Variants in GTF2B observed in about 807,000 individuals in gnomAD.
GTF2B encodes the protein general transcription factor IIB, also known as transcription initiation factor IIB.
In GTF2B, 20 loss-of-function variants were observed where a neutral mutation model predicts 34.6. The ratio of observed to expected loss-of-function variants is 0.58; its 90% CI spans 0.41 to 0.84. GTF2B has a LOEUF of 0.84. Among genes scored for constraint, GTF2B ranks in the 40% least tolerant of loss-of-function variants. GTF2B has a pLI of 0.00. For synonymous variants in GTF2B, 142 were observed against 132.4 expected (o/e 1.07, Z -0.50); for missense variants, 237 against 393.3 (o/e 0.60, Z 3.36).
chr1:88,859,830 T>C (rs1673395814), intron 5 of GTF2B, 52 bp downstream of exon 5: 1 of 1,539,508 alleles, frequency 6.5e-7, no homozygotes, highest in East Asian at 2.3e-5. Context: ...AGTGAGACCC[T>C]ATCTCAAACA....
chr1:88,874,819 C>T (rs1673782862), intron 2 of GTF2B, among the ~76,000 whole-genome samples: 1 of 151,898 alleles, frequency 6.6e-6, no homozygotes, highest in Non-Finnish European at 1.5e-5. Flanking sequence ...ATTTAGTTTA[C>T]AAACTACGTA....
chr1:88,865,996 A>G (rs1438045530), intron 2 of GTF2B, among the ~76,000 whole-genome samples: 1 of 152,172 alleles, frequency 6.6e-6, no homozygotes, highest in Admixed American at 6.5e-5. Context: ...TAACTTTTTA[A>G]TTTTTTATAT....
At chr1:88,866,272 T>C (rs1673558190) in intron 2 of GTF2B, among the ~76,000 whole-genome samples, 1 of 152,146 alleles carries the variant, frequency 6.6e-6, no homozygotes, top group Admixed American at 6.5e-5. Context: ...GAGGATCACC[T>C]GAGCCCAGGA....
chr1:88,872,396 A>G (rs1344713165), intron 2 of GTF2B, among the ~76,000 whole-genome samples: 1 of 144,856 alleles, frequency 6.9e-6, no homozygotes, highest in Non-Finnish European at 1.5e-5. Context: ...AGATTGCAGT[A>G]AGCCGAGATC....
At chr1:88,868,062 C>T (rs549656876) in intron 2 of GTF2B, among the ~76,000 whole-genome samples, 2 of 152,300 alleles carry the variant, frequency 1.3e-5, no homozygotes, top group African/African-American at 4.8e-5. Context: ...TAACAAGAAA[C>T]AGGGCAAGTC....
chr1:88,853,412 G>A, intron 6 of GTF2B, 66 bp from the exon 7 acceptor site: 1 of 1,420,168 alleles, frequency 7.0e-7, no homozygotes. Flanking sequence ...TACCTGCATT[G>A]TAATTTGTGA....
chr1:88,859,974 T>A lies in GTF2B; in HGVS notation c.443A>T (p.Gln148Leu). ...TNNLFKQVYE[Q>L]KSLKGRANDA... The stretch of plus-strand genomic sequence containing the variant: ...ATTAGCTCTTCCCTTCAGGCTCTTC[T>A]GTTCATATACTTGCTTGAATAAATT... The change falls in exon 5 of 7, where the codon CAG (glutamine) becomes CTG (leucine). Residue 148 changes from glutamine to leucine, a missense_variant. Gln to Leu is a moderately radical substitution (Grantham distance 113). Coordinates refer to ENST00000370500, the MANE Select transcript of GTF2B (RefSeq NM_001514.6). 6.2e-7 allele frequency: 1 copy of A among 1,613,752 alleles called. No individual in the cohort carries two copies. Among genetic ancestry groups the A allele is most frequent in the Non-Finnish European group, 8.5e-7 (1 of 1,179,628 alleles).
chr1:88,887,472 T>A lies in GTF2B; in HGVS notation c.18-105A>T, dbSNP rs563568444. On this transcript the variant is annotated intron_variant, in intron 1 of 6. Transcript: ENST00000370500. ...GACAAAGATTGTGAACGTTTTTTCA[T>A]ACATACAACTGTAACACATATAAGC... 43 of 738,594 alleles carry A rather than the reference T, an allele frequency of 5.8e-5. No homozygotes were observed. The African/African-American group carries it at 7.2e-4, about 12-fold the overall frequency. The allele number at this position is 738,594 out of a possible 1,614,324, so 45.8% of individuals were successfully genotyped here. A position where few individuals can be genotyped will look rare whatever the true frequency, so the allele number is the denominator to read the frequency against.
At chr1:88,880,144 T>A (rs1010639337) in intron 2 of GTF2B, among the ~76,000 whole-genome samples, 10 of 152,160 alleles carry the variant, frequency 6.6e-5, no homozygotes, top group Admixed American at 6.6e-4. Flanking sequence ...TGAATTAATA[T>A]GGTTTAATCT....
At chr1:88,865,113 A>G (rs1673519346) in intron 2 of GTF2B, among the ~76,000 whole-genome samples, 1 of 152,220 alleles carries the variant, frequency 6.6e-6, no homozygotes, top group South Asian at 2.1e-4. Context: ...TGTAGCAATT[A>G]GAAGTTACGG....
rs1673498223 is a variant in GTF2B, at chr1:88,864,103, T to C, written c.136A>G (p.Ile46Val). The C allele has an allele frequency of 6.2e-7, 1 of 1,613,866 alleles. No individual in the cohort carries two copies. Among genetic ancestry groups the C allele is most frequent in the African/African-American group, 1.3e-5 (1 of 74,928 alleles). ...GTTCGCCATTCAGATCCCACATCAA[T>C]AACCCGGTCACCTAAGAATATAAGC... ...ECGLVVGDRV[I>V]DVGSEWRTFS... Residue 46 changes from isoleucine (I) to valine (V), a missense_variant, in exon 3 of 7, where the codon ATT becomes GTT. By Grantham distance (29) the Ile-to-Val change is conservative. Around this residue, in one of 3 missense-constraint regions of GTF2B, gnomAD observed 130 missense variants for 170.9 expected, o/e 0.76. Transcript: ENST00000370500.
At chr1:88,880,475 G>A (rs1477428118) in intron 2 of GTF2B, among the ~76,000 whole-genome samples, 3 of 152,116 alleles carry the variant, frequency 2.0e-5, no homozygotes, top group African/African-American at 7.2e-5. Context: ...GGCTTAGAAT[G>A]GACTATATAC....
rs1673526280 is a variant in GTF2B, at chr1:88,865,403, G to C, written c.125-1289C>G. 2.0e-5 allele frequency among the ~76,000 whole-genome samples: 3 copies of C among 152,154 alleles called. No individual in the cohort carries two copies. In the South Asian group the frequency reaches 6.2e-4, roughly 31 times the overall value. On this transcript the variant is annotated intron_variant, in intron 2 of 6. Coordinates refer to ENST00000370500, the MANE Select transcript of GTF2B (RefSeq NM_001514.6). ...TGAGTTTCTCCTTTTTTGTGGGGAT[G>C]ATAAGGGAGACGCATCAGTTTAAAA...
chr1:88,875,309 G>C (rs1673793645), intron 2 of GTF2B, among the ~76,000 whole-genome samples: 1 of 152,154 alleles, frequency 6.6e-6, no homozygotes, highest in Non-Finnish European at 1.5e-5. Flanking sequence ...TTATTTCCCA[G>C]ACCAGCCCAT....
intron 6 of GTF2B, among the ~76,000 whole-genome samples, chr1:88,855,231 A>C (rs1413159917): frequency 1.3e-5 from 2 of 152,202 alleles, no homozygotes; most frequent in African/African-American, 4.8e-5. Flanking sequence ...CAAATAACTA[A>C]TGATTGGCTT....
rs368010048 is a variant in GTF2B, at chr1:88,857,691, C to CTTTTTTTTTTTTTTTTTT, written c.536-205_536-204insAAAAAAAAAAAAAAAAAA. 9.9e-4 allele frequency among the ~76,000 whole-genome samples: 107 copies of CTTTTTTTTTTTTTTTTTT among 108,100 alleles called. 11 individuals carry two copies. The highest frequency in any genetic ancestry group is 2.2e-3 in the African/African-American group (60 of 27,880). 70.9% of individuals were successfully genotyped at this position (108,100 alleles called of 152,430 possible). ...CAGTTAACTTTAATGTTCATCACACCTTTTTTTTTGAGATGAAGTCTCACT... is the reference window on the plus strand; with the variant it reads ...CAGTTAACTTTAATGTTCATCACACCTTTTTTTTTTTTTTTTTTTTTTTTTTTGAGATGAAGTCTCACT... On this transcript the variant is annotated intron_variant, in intron 5 of 6. Transcript: ENST00000370500.
chr1:88,863,980 C>T lies in GTF2B; in HGVS notation c.258+1G>A. On this transcript the variant is annotated splice_donor_variant, in intron 3 of 6. Transcript: ENST00000370500. LOFTEE classifies it high-confidence loss of function. ...TATTTCCTGCCAAATGGACTTATTA[C>T]CTTGCCAATCATGGTAGACAAATCT... is the stretch of plus-strand genomic sequence containing the variant. The T allele has an allele frequency of 6.2e-7, 1 of 1,613,680 alleles. No individual in the cohort carries two copies. Among genetic ancestry groups the T allele is most frequent in the Non-Finnish European group, 8.5e-7 (1 of 1,179,634 alleles).
intron 2 of GTF2B, among the ~76,000 whole-genome samples, chr1:88,886,901 G>A (rs980871528): frequency 2.0e-5 from 3 of 151,838 alleles, no homozygotes; most frequent in African/African-American, 7.3e-5. Flanking sequence ...AAAAGTGAAG[G>A]ACCCTAAACA....
At chr1:88,889,111 A>G (rs1199683816) in intron 1 of GTF2B, among the ~76,000 whole-genome samples, 1 of 152,204 alleles carries the variant, frequency 6.6e-6, no homozygotes. Context: ...ATTCCTATAC[A>G]TTTGTTAAAG....
Sources: gnomAD v4.1 joint callset for allele counts (sites outside exome capture counted in the v4.1 genomes callset) on GRCh38, gnomAD v4.1.1 for gene constraint, gnomAD v4.1.1 regional missense constraint, MANE v1.5 for transcripts, NCBI Gene and HGNC (gene_info 2026-07-23, HGNC 2026-07-21) for gene names.